IL1R1: variants seen among roughly 807,000 people sequenced by gnomAD.
IL1R1 encodes interleukin 1 receptor type 1.
A neutral mutation model predicts 50.2 loss-of-function variants in IL1R1; 22 were observed. The observed-to-expected ratio is 0.44, with a 90% CI of 0.31 to 0.63. The LOEUF (loss-of-function observed/expected upper bound fraction) is 0.63, where lower values mean the gene tolerates loss of function less well. IL1R1 is among the 20% of genes least tolerant of loss of function. The pLI is 0.07. For synonymous variants in IL1R1, 251 were observed against 236.7 expected, an observed-to-expected ratio of 1.06 and a Z score of -0.55; for missense variants, 509 against 676.2, an observed-to-expected ratio of 0.75 and a Z score of 2.74.
chr2:102,110,169 A>G (rs1577866890), intron 1 of IL1R1, among the ~76,000 whole-genome samples: 1 of 151,532 alleles, frequency 6.6e-6, no homozygotes, highest in African/African-American at 2.4e-5. Context: ...TTTTTCTTCC[A>G]CCTCTTTTGC....
intron 1 of IL1R1, among the ~76,000 whole-genome samples, chr2:102,133,275 G>T (rs1031004438): frequency 1.3e-5 from 2 of 150,778 alleles, no homozygotes; most frequent in Non-Finnish European, 2.9e-5. Context: ...TTCCCACAAG[G>T]CAAATTCCAG....
intron 1 of IL1R1, among the ~76,000 whole-genome samples, chr2:102,074,822 G>A (rs1267114782): frequency 6.6e-6 from 1 of 152,070 alleles, no homozygotes; most frequent in African/African-American, 2.4e-5. Context: ...TCCAGATGGA[G>A]GATTTGGTGA....
At chr2:102,154,589 C>A (rs1683996476) in intron 2 of IL1R1, among the ~76,000 whole-genome samples, 1 of 152,066 alleles carries the variant, frequency 6.6e-6, no homozygotes, top group Non-Finnish European at 1.5e-5. Context: ...CTCAAATATG[C>A]CCCCGCCTGC....
At chr2:102,080,479 C>T (rs1198245346) in intron 1 of IL1R1, among the ~76,000 whole-genome samples, 2 of 152,102 alleles carry the variant, frequency 1.3e-5, no homozygotes, top group East Asian at 1.9e-4. Flanking sequence ...AAAAGATGCT[C>T]GACATTACTG....
intron 1 of IL1R1, 44 bp downstream of exon 1, chr2:102,143,064 C>G (rs200508298): frequency 6.6e-6 from 1 of 152,476 alleles, no homozygotes; most frequent in Admixed American, 6.5e-5. Context: ...AGGGGTGAGA[C>G]GGACCACAGC....
At chr2:102,089,524 A>G (rs2104307610) in intron 1 of IL1R1, among the ~76,000 whole-genome samples, 1 of 152,334 alleles carries the variant, frequency 6.6e-6, no homozygotes, top group Non-Finnish European at 1.5e-5. Flanking sequence ...CAGAGATATG[A>G]AGTTACCACA....
chr2:102,155,270 C>T (rs1283405353), intron 2 of IL1R1, among the ~76,000 whole-genome samples: 1 of 152,232 alleles, frequency 6.6e-6, no homozygotes, highest in East Asian at 1.9e-4. Context: ...ATTCATTTCA[C>T]CCACATAGCG....
intron 6 of IL1R1, among the ~76,000 whole-genome samples, chr2:102,167,043 G>T (rs1578022593): frequency 6.6e-6 from 1 of 152,136 alleles, no homozygotes; most frequent in Non-Finnish European, 1.5e-5. Flanking sequence ...GATTTTGTAA[G>T]ATTTATGTAA....
At chr2:102,108,978 TAATAATAA>T (rs1680588661) in intron 1 of IL1R1, among the ~76,000 whole-genome samples, 1 of 120,232 alleles carries the variant, frequency 8.3e-6, no homozygotes, top group Non-Finnish European at 1.9e-5. Context: ...ATAATAATAA[TAATAATAA>T]TAAAAGCTAA....
chr2:102,116,377 A>G (rs183132074), intron 1 of IL1R1, among the ~76,000 whole-genome samples: 72 of 152,304 alleles, frequency 4.7e-4, no homozygotes, highest in African/African-American at 1.6e-3. Context: ...GGCTATGTTG[A>G]CTCTCAAGTA....
chr2:102,172,022 C>A (rs1685717472), intron 8 of IL1R1, 104 bp downstream of exon 8: 3 of 245,590 alleles, frequency 1.2e-5, no homozygotes, highest in African/African-American at 2.5e-5. Context: ...TGCTCCTAAC[C>A]TTTGCTGCCT....
At chr2:102,108,908 C>T (rs1257436731) in intron 1 of IL1R1, among the ~76,000 whole-genome samples, 1 of 149,812 alleles carries the variant, frequency 6.7e-6, no homozygotes, top group African/African-American at 2.5e-5. Flanking sequence ...AAAATCAGGA[C>T]CAAACTGACA....
chr2:102,081,701 C>G (rs1679214941), intron 1 of IL1R1, among the ~76,000 whole-genome samples: 1 of 152,234 alleles, frequency 6.6e-6, no homozygotes, highest in African/African-American at 2.4e-5. Flanking sequence ...ACTTGATTCT[C>G]ATCTGAATAT....
At chr2:102,130,074 T>G (rs1166467898) in intron 1 of IL1R1, among the ~76,000 whole-genome samples, 1 of 152,240 alleles carries the variant, frequency 6.6e-6, no homozygotes, top group South Asian at 2.1e-4. Flanking sequence ...ATCTCTTTAA[T>G]GCATTGCTCA....
chr2:102,176,719 A>C lies in IL1R1; in HGVS notation c.1670A>C (p.Lys557Thr). 2 of 1,614,200 alleles carry C rather than the reference A, an allele frequency of 1.2e-6. No individual in the cohort carries two copies. The highest frequency in any genetic ancestry group is 1.7e-6 in the Non-Finnish European group (2 of 1,180,036). The part of the protein sequence containing the change: ...SKHQLLSPAT[K>T]EKLQREAHVP... Reference sequence around the variant, plus strand: ...CACCAGTTACTGTCACCAGCCACTAAGGAGAAACTGCAAAGAGAGGCTCAC... The same window carrying C: ...CACCAGTTACTGTCACCAGCCACTACGGAGAAACTGCAAAGAGAGGCTCAC... Residue 557 changes from lysine to threonine, a missense_variant, in exon 12 of 12, where the codon AAG becomes ACG. Physicochemically the swap from Lys to Thr is moderately conservative, Grantham distance 78. Transcript: ENST00000410023.
intron 1 of IL1R1, among the ~76,000 whole-genome samples, chr2:102,123,378 G>A (rs1681507460): frequency 6.6e-6 from 1 of 152,154 alleles, no homozygotes; most frequent in Non-Finnish European, 1.5e-5. Flanking sequence ...AGAGGTCCAT[G>A]TTTAAAACAA....
intron 10 of IL1R1, 77 bp from the exon 11 acceptor site, chr2:102,175,401 G>T: frequency 1.8e-6 from 2 of 1,099,626 alleles, no homozygotes; most frequent in South Asian, 1.3e-5. Context: ...ATTATGTAAT[G>T]AATGTTTGTG....
rs3917286 is a variant in IL1R1, at chr2:102,165,169, G to A, written c.351G>A (p.Glu117=). 0.013 allele frequency: 20,969 copies of A among 1,591,268 alleles called. 791 individuals are homozygous for A. Among genetic ancestry groups the A allele is most frequent in the South Asian group, 0.11 (9,615 of 85,692 alleles). Reference sequence around the variant, plus strand: ...TAAGTGCAAAATTTGTGGAGAATGAGCCTAACTTATGTTATAATGCACAAG... The same window carrying A: ...TAAGTGCAAAATTTGTGGAGAATGAACCTAACTTATGTTATAATGCACAAG... The part of the protein sequence containing the change: ...IKISAKFVEN[E]PNLCYNAQAI... The change falls in exon 5 of 12, where the codon GAG becomes GAA. Residue 117 remains glutamate (E), a synonymous_variant. Coordinates refer to ENST00000410023, the MANE Select transcript of IL1R1 (RefSeq NM_000877.4).
intron 1 of IL1R1, among the ~76,000 whole-genome samples, chr2:102,115,861 A>G (rs918882057): frequency 6.6e-6 from 1 of 152,218 alleles, no homozygotes; most frequent in Non-Finnish European, 1.5e-5. Flanking sequence ...AGAGGAACAC[A>G]TTCCAAAAGG....
Sources: gnomAD v4.1 joint callset for allele counts (sites outside exome capture counted in the v4.1 genomes callset) on GRCh38, gnomAD v4.1.1 for gene constraint, MANE v1.5 for transcripts, NCBI Gene and HGNC (gene_info 2026-07-23, HGNC 2026-07-21) for gene names.